The following PIWIL4 variants were observed in gnomAD, a reference collection of about 807,000 sequenced individuals.
The protein encoded by PIWIL4 is piwi-like protein 4.
Under a neutral mutation model 100.9 loss-of-function variants are expected in PIWIL4, and 50 were observed. The observed-to-expected ratio is 0.50, with a 90% CI of 0.39 to 0.63. The LOEUF is 0.63. Ranked by LOEUF, PIWIL4 falls within the 20% of genes least tolerant of loss-of-function variation. The probability of loss-of-function intolerance (pLI) is 0.00; values close to 1 mark genes in which losing one functional copy is unlikely to be tolerated. For synonymous variants in PIWIL4, 342 were observed against 367.5 expected, an observed-to-expected ratio of 0.93 and a Z score of 0.79; for missense variants, 887 against 1,043.3, an observed-to-expected ratio of 0.85 and a Z score of 2.06.
chr11:94,585,353 ATTTTT>A, intron 5 of PIWIL4, 87 bp from the exon 6 acceptor site: 1 of 852,456 alleles, frequency 1.2e-6, no homozygotes, highest in East Asian at 2.6e-5. Flanking sequence ...TTTCCTATAT[ATTTTT>A]AACATTATGT....
At chr11:94,588,975 T>G (rs557149869) in intron 7 of PIWIL4, 146 bp from the exon 8 acceptor site, 3 of 605,868 alleles carry the variant, frequency 5.0e-6, no homozygotes, top group Non-Finnish European at 8.5e-6. Flanking sequence ...CTGAGTATTT[T>G]TTAAAAAGTG....
intron 15 of PIWIL4, among the ~76,000 whole-genome samples, chr11:94,612,088 G>A (rs1408484098): frequency 6.6e-6 from 1 of 152,164 alleles, no homozygotes; most frequent in Non-Finnish European, 1.5e-5. Flanking sequence ...TATAATTCAA[G>A]TCCAATGTTT....
In PIWIL4 at chr11:94,616,689, C is replaced by T. The variant is rs1009484077; in HGVS notation, c.2014+126C>T. Reference sequence around the variant, plus strand: ...TACACCTGTCTTTGTCAACTGTCACCCAGTTGAAGATCTCTGAAGCTGCAT... The same window carrying T: ...TACACCTGTCTTTGTCAACTGTCACTCAGTTGAAGATCTCTGAAGCTGCAT... On this transcript the variant is annotated intron_variant, in intron 16 of 19. Coordinates refer to ENST00000299001, the MANE Select transcript of PIWIL4 (RefSeq NM_152431.3). 1.9e-5 allele frequency: 13 copies of T among 669,580 alleles called. No homozygotes were observed. In the East Asian group the frequency reaches 2.4e-4, roughly 12 times the overall value. The allele number at this position is 669,580 out of a possible 1,614,324, so 41.5% of individuals were successfully genotyped here.
rs898538444 is a variant in PIWIL4, at chr11:94,567,515, G to A, written c.-4G>A. ...CTTGTGGCCACTCTGGGCTCACCGG[G>A]AACATGAGTGGAAGAGCCCGAGTGA... On this transcript the variant is annotated 5_prime_UTR_variant, in exon 1 of 20. Transcript: ENST00000299001. 1 of 1,588,744 alleles carries A rather than the reference G, an allele frequency of 6.3e-7. No individual in the cohort carries two copies. Among genetic ancestry groups the A allele is most frequent in the Non-Finnish European group, 8.6e-7 (1 of 1,167,402 alleles).
At chr11:94,599,962 C>A (rs901678297) in intron 11 of PIWIL4, among the ~76,000 whole-genome samples, 1 of 152,176 alleles carries the variant, frequency 6.6e-6, no homozygotes, top group African/African-American at 2.4e-5. Context: ...AGGCAGTGCT[C>A]AAGCTGCTGG....
At chr11:94,614,349 G>A (rs967488198) in intron 15 of PIWIL4, among the ~76,000 whole-genome samples, 5 of 132,244 alleles carry the variant, frequency 3.8e-5, no homozygotes, top group African/African-American at 1.2e-4. Context: ...CTCTTGTCAC[G>A]CAGGCTGGAG....
chr11:94,590,843 C>G (rs1437657559), intron 8 of PIWIL4, among the ~76,000 whole-genome samples: 2 of 152,158 alleles, frequency 1.3e-5, no homozygotes, highest in African/African-American at 2.4e-5. Context: ...CCCTAGCTCT[C>G]TCCTCACTGT....
chr11:94,611,018 T>C (rs1948782619), intron 15 of PIWIL4, among the ~76,000 whole-genome samples: 1 of 152,226 alleles, frequency 6.6e-6, no homozygotes, highest in African/African-American at 2.4e-5. Context: ...ACACCATTTA[T>C]TGAAGAGACT....
chr11:94,580,410 C>G (rs1005028270), intron 4 of PIWIL4, among the ~76,000 whole-genome samples: 1 of 152,134 alleles, frequency 6.6e-6, no homozygotes, highest in African/African-American at 2.4e-5. Flanking sequence ...GCAATGAACT[C>G]CTAGGAGTTC....
intron 15 of PIWIL4, among the ~76,000 whole-genome samples, chr11:94,614,185 A>T (rs1948817556): frequency 6.6e-6 from 1 of 151,638 alleles, no homozygotes; most frequent in South Asian, 2.1e-4. Context: ...AGCTTCCTTA[A>T]ACAATTATTT....
chr11:94,602,223 T>C (rs1488361272), intron 12 of PIWIL4, among the ~76,000 whole-genome samples: 2 of 152,218 alleles, frequency 1.3e-5, no homozygotes, highest in Admixed American at 6.5e-5. Context: ...TACCTGAAAA[T>C]CTTTCCAGTA....
chr11:94,587,027 T>C (rs1179679849), intron 6 of PIWIL4, 23 bp from the exon 7 acceptor site: 3 of 1,564,302 alleles, frequency 1.9e-6, no homozygotes, highest in Middle Eastern at 1.7e-4. Flanking sequence ...CAATATTCCT[T>C]TTTTTCTTTT....
At chr11:94,619,937 T>C (rs372725537) in intron 18 of PIWIL4, 52 bp downstream of exon 18, 22 of 1,614,136 alleles carry the variant, frequency 1.4e-5, no homozygotes, top group Non-Finnish European at 1.7e-5. Flanking sequence ...TGCGTCCAGT[T>C]TATGTTTGAC....
intron 3 of PIWIL4, among the ~76,000 whole-genome samples, chr11:94,576,542 C>T (rs1948239962): frequency 6.6e-6 from 1 of 152,204 alleles, no homozygotes; most frequent in Non-Finnish European, 1.5e-5. Flanking sequence ...GGAGCTTACA[C>T]CATCCTGATC....
In PIWIL4 at chr11:94,568,817, A is replaced by G. The variant is rs1948110363; in HGVS notation, c.166+9A>G. ...CAGGATCTCAACCAACGGTAAGTGC[A>G]GCTCAGCCTGTTCATTTAGTACCAT... On this transcript the variant is annotated intron_variant, in intron 2 of 19. Transcript: ENST00000299001. 6.3e-7 allele frequency: 1 copy of G among 1,586,356 alleles called. No homozygotes were observed. The highest frequency in any genetic ancestry group is 1.3e-5 in the African/African-American group (1 of 74,426).
chr11:94,621,267 CTTAAG>C lies in PIWIL4; in HGVS notation c.*280_*284del, dbSNP rs1005952854. The stretch of plus-strand genomic sequence containing the variant: ...CAAAGAATTCCACAGAGTTAAATAT[CTTAAG>C]TTAAACACTTAAAATAAGTGTTTGC... On this transcript the variant is annotated 3_prime_UTR_variant, in exon 20 of 20. Coordinates refer to ENST00000299001, the MANE Select transcript of PIWIL4 (RefSeq NM_152431.3). 1.2e-4 allele frequency: 42 copies of C among 344,698 alleles called. No individual in the cohort carries two copies. Among genetic ancestry groups the C allele is most frequent in the Middle Eastern group, 1.7e-3 (2 of 1,186 alleles). 21.4% of individuals were successfully genotyped at this position (344,698 alleles called of 1,614,324 possible). A position where few individuals can be genotyped will look rare whatever the true frequency, so the allele number is the denominator to read the frequency against.
At chr11:94,616,748 T>C (rs1022232437) in intron 16 of PIWIL4, among the ~76,000 whole-genome samples, 185 bp downstream of exon 16, 1 of 152,202 alleles carries the variant, frequency 6.6e-6, no homozygotes, top group Admixed American at 6.5e-5. Flanking sequence ...CTATGTAGCA[T>C]TTACATTTAC....
intron 2 of PIWIL4, among the ~76,000 whole-genome samples, chr11:94,572,369 T>A (rs1948168588): frequency 6.6e-6 from 1 of 152,238 alleles, no homozygotes; most frequent in South Asian, 2.1e-4. Context: ...TGCCCATGCC[T>A]ATGTCCTGAA....
chr11:94,587,973 T>G (rs1948426677), intron 7 of PIWIL4, among the ~76,000 whole-genome samples: 1 of 152,158 alleles, frequency 6.6e-6, no homozygotes, highest in Non-Finnish European at 1.5e-5. Flanking sequence ...TATTTTAAGT[T>G]TTGGGATATA....
Sources: allele counts gnomAD v4.1 joint callset (sites outside exome capture counted in the v4.1 genomes callset), GRCh38; gene constraint gnomAD v4.1.1; transcripts MANE v1.5; gene names NCBI Gene and HGNC (gene_info 2026-07-23, HGNC 2026-07-21).